CRACR2A: variants seen among roughly 807,000 people sequenced by gnomAD.
CRACR2A encodes EF-hand calcium-binding domain-containing protein 4B.
In CRACR2A, 79 loss-of-function variants were observed where a neutral mutation model predicts 90.5. That is an observed-to-expected ratio of 0.87 (90% CI 0.73 to 1.05). CRACR2A has a LOEUF of 1.05. Ranked by LOEUF, CRACR2A falls within the 50% of genes least tolerant of loss-of-function variation. The pLI, the probability that CRACR2A is intolerant of heterozygous loss-of-function variation, is 0.00. For missense variants in CRACR2A, 823 were observed against 897.2 expected (o/e 0.92, Z 1.06); for synonymous variants, 338 against 356.7 (o/e 0.95, Z 0.59).
intron 10 of CRACR2A, among the ~76,000 whole-genome samples, chr12:3,652,300 T>C (rs1944807685): frequency 6.6e-6 from 1 of 152,224 alleles, no homozygotes; most frequent in South Asian, 2.1e-4. Context: ...TTAATTCTGT[T>C]TGTAAAGCTA....
At chr12:3,634,559 A>G (rs778059049) in intron 14 of CRACR2A, among the ~76,000 whole-genome samples, 27 of 152,228 alleles carry the variant, frequency 1.8e-4, no homozygotes, top group Non-Finnish European at 1.5e-4. Context: ...CTTCCAGCAC[A>G]GCGTCCTTCT....
intron 4 of CRACR2A, among the ~76,000 whole-genome samples, chr12:3,692,512 G>A (rs1945666579): frequency 6.6e-6 from 1 of 151,688 alleles, no homozygotes; most frequent in African/African-American, 2.4e-5. Context: ...CCACGCTGGG[G>A]GTGGGGGTGG....
At chr12:3,690,774 C>T (rs1328336665) in intron 4 of CRACR2A, among the ~76,000 whole-genome samples, 2 of 152,140 alleles carry the variant, frequency 1.3e-5, no homozygotes, top group Non-Finnish European at 2.9e-5. Context: ...AAGTCTTCCA[C>T]TATTATAGTG....
intron 4 of CRACR2A, among the ~76,000 whole-genome samples, chr12:3,694,584 T>A (rs1945705726): frequency 6.6e-6 from 1 of 152,170 alleles, no homozygotes; most frequent in Non-Finnish European, 1.5e-5. Flanking sequence ...ACAACACAGA[T>A]GCCTGGAGGA....
At position 3,615,448 on chromosome 12, in the gene CRACR2A, G is replaced by C; in HGVS notation, c.2112-9C>G. 6.5e-7 allele frequency: 1 copy of C among 1,547,576 alleles called. No individual in the cohort carries two copies. The highest frequency in any genetic ancestry group is 8.7e-7 in the Non-Finnish European group (1 of 1,144,626). On this transcript the variant is annotated splice_polypyrimidine_tract_variant and intron_variant, in intron 19 of 19. Transcript: ENST00000440314. Reference sequence around the variant, plus strand: ...CTTGCTCCTTGAGGAACCTGGGAGAGGGGAAGAGATCGTGTCAGTGATGGA... The same window carrying C: ...CTTGCTCCTTGAGGAACCTGGGAGACGGGAAGAGATCGTGTCAGTGATGGA...
intron 4 of CRACR2A, among the ~76,000 whole-genome samples, chr12:3,692,274 T>A (rs1300074911): frequency 2.6e-5 from 4 of 152,224 alleles, no homozygotes; most frequent in Admixed American, 1.3e-4. Flanking sequence ...GGCTGATGTT[T>A]CTTTAGTCTT....
chr12:3,720,299 GAA>G (rs1293118661), intron 2 of CRACR2A, among the ~76,000 whole-genome samples: 1 of 131,782 alleles, frequency 7.6e-6, no homozygotes, highest in Non-Finnish European at 1.6e-5. Context: ...GAAAGAAAAA[GAA>G]AGAAAGAAGG....
In CRACR2A at chr12:3,643,850, ATATATT is replaced by A. The variant is rs1241891694; in HGVS notation, c.1164+739_1164+744del. Among the ~76,000 whole-genome samples, 436 of 50,000 alleles carry A rather than the reference ATATATT, an allele frequency of 8.7e-3. 5 individuals carry two copies. Among genetic ancestry groups the A allele is most frequent in the East Asian group, 0.056 (41 of 726 alleles). 32.8% of individuals were successfully genotyped at this position (50,000 alleles called of 152,430 possible). On this transcript the variant is annotated intron_variant, in intron 12 of 19. Transcript: ENST00000440314. Reference sequence around the variant, plus strand: ...TATATAAATATATATAATATATATTATATATTTATATTATATATATTATATATATTT... The same window carrying A: ...TATATAAATATATATAATATATATTATATATTATATATATTATATATATTT...
intron 15 of CRACR2A, among the ~76,000 whole-genome samples, chr12:3,629,545 G>A (rs533733541): frequency 2.5e-4 from 38 of 152,368 alleles, no homozygotes; most frequent in African/African-American, 8.7e-4. Context: ...AGTGCTGCCC[G>A]AGGACAGAGG....
At chr12:3,620,842 A>C (rs1050649280) in intron 17 of CRACR2A, among the ~76,000 whole-genome samples, 15 of 152,236 alleles carry the variant, frequency 9.9e-5, no homozygotes, top group African/African-American at 3.6e-4. Flanking sequence ...AATAGATTAA[A>C]TTCTGGACAC....
intron 4 of CRACR2A, among the ~76,000 whole-genome samples, chr12:3,684,593 T>C (rs1031065691): frequency 2.0e-5 from 3 of 152,224 alleles, no homozygotes; most frequent in Non-Finnish European, 4.4e-5. Flanking sequence ...AATATGGCTG[T>C]GCTTTGGTCA....
chr12:3,631,478 C>T (rs1944374377), intron 15 of CRACR2A, among the ~76,000 whole-genome samples: 1 of 152,156 alleles, frequency 6.6e-6, no homozygotes, highest in South Asian at 2.1e-4. Flanking sequence ...GTAGGGCCTC[C>T]CCCATGGAAT....
chr12:3,635,526 A>T (rs1434502383), intron 14 of CRACR2A, among the ~76,000 whole-genome samples: 2 of 152,178 alleles, frequency 1.3e-5, no homozygotes, highest in African/African-American at 4.8e-5. Context: ...ATTTTTTAAG[A>T]GACAGGGTCA....
intron 10 of CRACR2A, 96 bp downstream of exon 10, chr12:3,654,115 AG>A (rs1437434818): frequency 7.0e-7 from 1 of 1,420,626 alleles, no homozygotes; most frequent in Non-Finnish European, 9.6e-7. Context: ...CTCTTTTCAC[AG>A]GCAAGGAGAC....
chr12:3,650,103 A>C (rs1052488035), intron 10 of CRACR2A, among the ~76,000 whole-genome samples: 2 of 152,300 alleles, frequency 1.3e-5, no homozygotes, highest in Middle Eastern at 3.4e-3. Context: ...ACAGCTTTTC[A>C]TGTAGGGAGC....
intron 7 of CRACR2A, among the ~76,000 whole-genome samples, chr12:3,668,031 G>A (rs1051691705): frequency 6.6e-6 from 1 of 152,190 alleles, no homozygotes; most frequent in Admixed American, 6.5e-5. Context: ...ATTCTATAAA[G>A]CAAACCATTT....
chr12:3,655,276 TAGAG>T (rs1565476541), intron 9 of CRACR2A, among the ~76,000 whole-genome samples: 1 of 152,060 alleles, frequency 6.6e-6, no homozygotes, highest in African/African-American at 2.4e-5. Context: ...TAATGCATAA[TAGAG>T]AGGAAGAGAA....
At chr12:3,749,660 T>C (rs1946676492) in intron 1 of CRACR2A, among the ~76,000 whole-genome samples, 1 of 152,204 alleles carries the variant, frequency 6.6e-6, no homozygotes, top group Admixed American at 6.5e-5. Context: ...GAACCCTTTA[T>C]GGCTCTAACT....
intron 7 of CRACR2A, among the ~76,000 whole-genome samples, chr12:3,668,505 G>C (rs769607965): frequency 6.6e-6 from 1 of 152,160 alleles, no homozygotes; most frequent in African/African-American, 2.4e-5. Flanking sequence ...TGCAGCTGAG[G>C]CCTTCCCCAA....
Sources: gnomAD v4.1 joint callset for allele counts (sites outside exome capture counted in the v4.1 genomes callset) on GRCh38, gnomAD v4.1.1 for gene constraint, MANE v1.5 for transcripts, NCBI Gene and HGNC (gene_info 2026-07-23, HGNC 2026-07-21) for gene names.